TBC1D22A: variants seen among roughly 807,000 people sequenced by gnomAD.
TBC1D22A encodes putative GTPase activator.
In TBC1D22A, 38 loss-of-function variants were observed where a neutral mutation model predicts 60.2. The observed-to-expected ratio is 0.63, with a 90% confidence interval of 0.49 to 0.83. The LOEUF (loss-of-function observed/expected upper bound fraction) is 0.83, where lower values mean the gene tolerates loss of function less well. Among genes scored for constraint, TBC1D22A ranks in the 40% least tolerant of loss-of-function variants. The probability of loss-of-function intolerance (pLI) is 0.00; values close to 1 mark genes in which losing one functional copy is unlikely to be tolerated. For missense variants in TBC1D22A, 628 were observed against 701.0 expected (o/e 0.90, Z 1.18); for synonymous variants, 302 against 281.7 (o/e 1.07, Z -0.72).
At chr22:47,071,037 C>T (rs971451842) in intron 11 of TBC1D22A, among the ~76,000 whole-genome samples, 6 of 152,208 alleles carry the variant, frequency 3.9e-5, no homozygotes, top group Non-Finnish European at 8.8e-5. Flanking sequence ...AGAGTATAAA[C>T]ATTTCATAAG....
chr22:46,956,615 T>C (rs1475821863), intron 8 of TBC1D22A, among the ~76,000 whole-genome samples: 2 of 152,172 alleles, frequency 1.3e-5, no homozygotes, highest in African/African-American at 4.8e-5. Flanking sequence ...TGCTGGGATG[T>C]GTAGTGCCCT....
chr22:47,011,815 C>G (rs946643927), intron 10 of TBC1D22A, among the ~76,000 whole-genome samples: 5 of 152,130 alleles, frequency 3.3e-5, no homozygotes, highest in Admixed American at 1.3e-4. Context: ...AATAGAAAAT[C>G]TGCATGTGTG....
At chr22:46,891,889 A>T (rs2068428233) in intron 6 of TBC1D22A, among the ~76,000 whole-genome samples, 2 of 152,216 alleles carry the variant, frequency 1.3e-5, no homozygotes, top group Non-Finnish European at 1.5e-5. Context: ...TGCAGGGGAC[A>T]CACTTCAGAT....
chr22:47,129,449 C>T (rs1305029491), intron 12 of TBC1D22A, among the ~76,000 whole-genome samples: 1 of 152,214 alleles, frequency 6.6e-6, no homozygotes, highest in Non-Finnish European at 1.5e-5. Flanking sequence ...TGCACTGCAG[C>T]CTGGTGACAG....
In TBC1D22A at chr22:47,160,642, C is replaced by T. The variant is rs186740594; in HGVS notation, c.1426-12856C>T. 7.9e-5 allele frequency among the ~76,000 whole-genome samples: 12 copies of T among 152,350 alleles called. No individual in the cohort carries two copies. The East Asian group carries it at 1.9e-3, about 24-fold the overall frequency. On this transcript the variant is annotated intron_variant, in intron 12 of 12. Transcript: ENST00000337137. Reference sequence around the variant, plus strand: ...ACAGGGGTCTTCGCTGGAGCCGTGCCATGACTCACTATTTTTAAATGTCTG... The same window carrying T: ...ACAGGGGTCTTCGCTGGAGCCGTGCTATGACTCACTATTTTTAAATGTCTG...
intron 8 of TBC1D22A, among the ~76,000 whole-genome samples, chr22:46,920,080 TATGTATGA>T (rs932510458): frequency 1.4e-4 from 21 of 149,184 alleles, no homozygotes; most frequent in African/African-American, 4.6e-4. Context: ...TGTATGTATG[TATGTATGA>T]ATGAAGGAGA....
At chr22:47,058,636 C>G (rs886313842) in intron 11 of TBC1D22A, among the ~76,000 whole-genome samples, 1 of 151,944 alleles carries the variant, frequency 6.6e-6, no homozygotes, top group Non-Finnish European at 1.5e-5. Context: ...CTGTGATTCC[C>G]TGTTAGCAAG....
intron 4 of TBC1D22A, among the ~76,000 whole-genome samples, chr22:46,856,176 G>C (rs1205779734): frequency 6.6e-6 from 1 of 152,164 alleles, no homozygotes; most frequent in Non-Finnish European, 1.5e-5. Context: ...GTGATGCCAG[G>C]GCCCTACCCG....
intron 11 of TBC1D22A, among the ~76,000 whole-genome samples, chr22:47,053,181 A>G (rs762409472): frequency 4.2e-4 from 63 of 151,780 alleles, no homozygotes; most frequent in Admixed American, 1.3e-3. Flanking sequence ...CCAGGGCCTC[A>G]CTGCTTCCTG....
chr22:47,087,790 A>G (rs894529177), intron 11 of TBC1D22A, among the ~76,000 whole-genome samples: 11 of 152,216 alleles, frequency 7.2e-5, no homozygotes, highest in South Asian at 2.1e-4. Flanking sequence ...TTAAGGTTCA[A>G]TATAGCCAGG....
At chr22:46,888,857 C>T (rs748822080) in intron 5 of TBC1D22A, among the ~76,000 whole-genome samples, 5 of 152,112 alleles carry the variant, frequency 3.3e-5, no homozygotes, top group Admixed American at 6.5e-5. Flanking sequence ...AGGCATGTGC[C>T]GCCACATCTG....
intron 12 of TBC1D22A, among the ~76,000 whole-genome samples, chr22:47,123,536 C>T (rs1023992991): frequency 5.3e-5 from 8 of 152,218 alleles, no homozygotes; most frequent in Admixed American, 2.6e-4. Context: ...TCCGTCAGGC[C>T]TCAACCTGCC....
At chr22:46,969,370 C>T (rs189101782) in intron 8 of TBC1D22A, among the ~76,000 whole-genome samples, 6 of 152,244 alleles carry the variant, frequency 3.9e-5, no homozygotes, top group South Asian at 2.1e-4. Flanking sequence ...TGGATGATGC[C>T]CCTCTGTGTA....
intron 4 of TBC1D22A, among the ~76,000 whole-genome samples, chr22:46,856,702 A>G (rs2087588241): frequency 6.6e-6 from 1 of 152,162 alleles, no homozygotes; most frequent in Non-Finnish European, 1.5e-5. Context: ...ATAGACTTTG[A>G]AAGGCCAAAG....
chr22:47,135,323 C>G (rs2066826507), intron 12 of TBC1D22A, among the ~76,000 whole-genome samples: 1 of 152,180 alleles, frequency 6.6e-6, no homozygotes, highest in Admixed American at 6.5e-5. Flanking sequence ...CATTTAGCAG[C>G]CATGTATCAA....
At chr22:47,089,975 G>A (rs774002105) in intron 11 of TBC1D22A, among the ~76,000 whole-genome samples, 3 of 152,110 alleles carry the variant, frequency 2.0e-5, no homozygotes, top group Admixed American at 1.3e-4. Flanking sequence ...TGAAGCCTCC[G>A]GGGATGTGAA....
rs1054686785 is a variant in TBC1D22A at position 47,054,923 on chromosome 22, T to G, written c.1329+17725T>G. On this transcript the variant is annotated intron_variant, in intron 11 of 12. Transcript: ENST00000337137. Reference sequence around the variant, plus strand: ...GTGGGTGCAGTTGGCACTCTCACCCTTAAAGCACGGGCTGGGACTCACAGC... The same window carrying G: ...GTGGGTGCAGTTGGCACTCTCACCCGTAAAGCACGGGCTGGGACTCACAGC... Among the ~76,000 whole-genome samples the G allele has an allele frequency of 2.0e-5, 3 of 152,234 alleles. No individual in the cohort carries two copies. The East Asian group carries it at 5.8e-4, about 29-fold the overall frequency.
chr22:46,918,681 G>A (rs556372738), intron 8 of TBC1D22A, among the ~76,000 whole-genome samples: 2 of 152,170 alleles, frequency 1.3e-5, no homozygotes, highest in African/African-American at 2.4e-5. Context: ...TCTTGCTAGC[G>A]ACCTGCCAAA....
At chr22:47,048,367 C>T (rs1043478483) in intron 11 of TBC1D22A, among the ~76,000 whole-genome samples, 10 of 152,020 alleles carry the variant, frequency 6.6e-5, no homozygotes, top group East Asian at 3.9e-4. Flanking sequence ...AGGTGGAGGA[C>T]GCGTCACCTT....
Sources: allele counts gnomAD v4.1 joint callset (sites outside exome capture counted in the v4.1 genomes callset), GRCh38; gene constraint gnomAD v4.1.1; transcripts MANE v1.5; gene names NCBI Gene and HGNC (gene_info 2026-07-23, HGNC 2026-07-21).